UNC45A: variants seen among roughly 807,000 people sequenced by gnomAD.
The protein encoded by UNC45A is unc-45 myosin chaperone A.
UNC45A carries 78 observed loss-of-function variants against 103.2 expected under a neutral mutation model. That is an observed-to-expected ratio of 0.76 (90% CI 0.63 to 0.91). The LOEUF (loss-of-function observed/expected upper bound fraction) is 0.91. UNC45A is among the 40% of genes least tolerant of loss of function. UNC45A has a pLI of 0.00. For missense variants in UNC45A, 1,193 were observed against 1,224.8 expected (o/e 0.97, Z 0.39); for synonymous variants, 495 against 504.6 (o/e 0.98, Z 0.25).
intron 7 of UNC45A, 99 bp from the exon 8 acceptor site, chr15:90,942,812 TC>T (rs930715312): frequency 2.2e-5 from 33 of 1,502,904 alleles, no homozygotes; most frequent in African/African-American, 2.1e-4. Context: ...GGGATGCGGA[TC>T]CCCCCTTCCC....
chr15:90,940,938 A>G (rs2036262378), intron 6 of UNC45A: 1 of 152,610 alleles, frequency 6.6e-6, no homozygotes, highest in Non-Finnish European at 1.5e-5. Context: ...AAACAACAAA[A>G]AAAGAAAAGG....
At position 90,950,581 on chromosome 15, in the gene UNC45A, C is replaced by G. The variant is rs1351684576; in HGVS notation, c.2269C>G (p.Leu757Val). The change falls in exon 17 of 20, where the codon CTA becomes GTA. Residue 757 changes from leucine (L) to valine (V), a missense_variant. Leu to Val is a conservative substitution (Grantham distance 32). Coordinates refer to ENST00000418476, the MANE Select transcript of UNC45A (RefSeq NM_018671.5). ...GCAGAACTTCGAGGCGCTCATGGCC[C>G]TAACAAACCTGGCTGGGATCAGCGA... Reference protein sequence around the residue: ...GLQNFEALMALTNLAGISERL... With the variant: ...GLQNFEALMAVTNLAGISERL... 1 of 1,614,080 alleles carries G rather than the reference C, an allele frequency of 6.2e-7. No individual in the cohort carries two copies. Among genetic ancestry groups the G allele is most frequent in the African/African-American group, 1.3e-5 (1 of 74,946 alleles).
chr15:90,936,507 G>C (rs2036031285), intron 4 of UNC45A, 47 bp downstream of exon 4: 1 of 1,600,096 alleles, frequency 6.2e-7, no homozygotes, highest in Non-Finnish European at 8.5e-7. Flanking sequence ...GGTGGTGAAG[G>C]GGTCTGGGCC....
At chr15:90,951,230 C>T (rs6496740) in intron 17 of UNC45A, among the ~76,000 whole-genome samples, 85,311 of 152,014 alleles carry the variant, frequency 0.56, 26,399 homozygotes, top group East Asian at 0.99. Context: ...TGGTCTAGAT[C>T]TCCTGACCTC....
chr15:90,936,307 T>A lies in UNC45A; in HGVS notation c.273T>A (p.Asp91Glu), dbSNP rs929175081. 12 of 1,613,690 alleles carry A rather than the reference T, an allele frequency of 7.4e-6. No individual in the cohort carries two copies. Among genetic ancestry groups the A allele is most frequent in the African/African-American group, 1.3e-5 (1 of 74,886 alleles). Reference protein sequence around the residue: ...ASKAIEKDGGDVKALYRRSQA... With the variant: ...ASKAIEKDGGEVKALYRRSQA... ...CAGCCATTGAAAAGGATGGTGGGGATGTCAAAGCACTCTACCGGCGGAGCC... is the reference window on the plus strand; with the variant it reads ...CAGCCATTGAAAAGGATGGTGGGGAAGTCAAAGCACTCTACCGGCGGAGCC... The change falls in exon 4 of 20, where the codon GAT (aspartate) becomes GAA (glutamate). Residue 91 changes from aspartate to glutamate, a missense_variant. Transcript: ENST00000418476.
Position 90,948,186 on chromosome 15 carries a change from C to A in UNC45A, c.1640C>A (p.Ala547Glu), listed in dbSNP as rs1018670320. Residue 547 changes from alanine to glutamate, a missense_variant, in exon 12 of 20, where the codon GCA (alanine) becomes GAA (glutamate). Physicochemically the swap from Ala to Glu is moderately radical, Grantham distance 107. Transcript: ENST00000418476. ...ATCGACGCAGGCACTCGGCGCTGGGCAGTGGAGGGCCTGGCTTACCTGACC... is the reference window on the plus strand; with the variant it reads ...ATCGACGCAGGCACTCGGCGCTGGGAAGTGGAGGGCCTGGCTTACCTGACC... ...DQIDAGTRRWAVEGLAYLTFD... is the reference protein window; with the variant it reads ...DQIDAGTRRWEVEGLAYLTFD... 1 of 1,614,150 alleles carries A rather than the reference C, an allele frequency of 6.2e-7. No individual in the cohort carries two copies. Among genetic ancestry groups the A allele is most frequent in the African/African-American group, 1.3e-5 (1 of 75,046 alleles).
upstream of UNC45A, chr15:90,931,130 A>T: frequency 1.0e-6 from 1 of 985,158 alleles, no homozygotes; most frequent in Non-Finnish European, 1.5e-6. Context: ...AGACCTTCAG[A>T]CTGAGAAAAA....
chr15:90,953,604 T>G lies in UNC45A; in HGVS notation c.2723T>G (p.Ile908Ser). The change falls in exon 20 of 20, where the codon ATC (isoleucine) becomes AGC (serine). Residue 908 changes from isoleucine to serine, a missense_variant. Coordinates refer to ENST00000418476, the MANE Select transcript of UNC45A (RefSeq NM_018671.5). ...STLMESEMMEILSVLAKGDHS... is the reference protein window; with the variant it reads ...STLMESEMMESLSVLAKGDHS... ...CTGATGGAGAGTGAGATGATGGAGATCTTGTCAGTGCTAGCTAAGGGTGAC... is the reference window on the plus strand; with the variant it reads ...CTGATGGAGAGTGAGATGATGGAGAGCTTGTCAGTGCTAGCTAAGGGTGAC... 3.7e-6 allele frequency: 6 copies of G among 1,613,900 alleles called. No individual in the cohort carries two copies. The highest frequency in any genetic ancestry group is 1.1e-5 in the South Asian group (1 of 91,074).
chr15:90,949,908 C>T (rs1305856536), intron 15 of UNC45A, 188 bp downstream of exon 15: 7 of 691,182 alleles, frequency 1.0e-5, no homozygotes, highest in African/African-American at 1.8e-5. Flanking sequence ...ACACTGGTGC[C>T]TGTGAAGGTC....
intron 11 of UNC45A, 119 bp from the exon 12 acceptor site, chr15:90,948,023 C>A (rs899055230): frequency 3.3e-6 from 5 of 1,528,822 alleles, no homozygotes; most frequent in Middle Eastern, 1.8e-4. Flanking sequence ...GATCCTGGTA[C>A]GTGAACTGCT....
Position 90,949,097 on chromosome 15 carries a change from C to T in UNC45A, c.1879-219C>T, listed in dbSNP as rs548242426. On this transcript the variant is annotated intron_variant, in intron 13 of 19. Coordinates refer to ENST00000418476, the MANE Select transcript of UNC45A (RefSeq NM_018671.5). ...TTCACCGTGTTAGCCAGGATGATCTCGATCTCCTGACCTCGTGATCCGCCT... is the reference window on the plus strand; with the variant it reads ...TTCACCGTGTTAGCCAGGATGATCTTGATCTCCTGACCTCGTGATCCGCCT... Among the ~76,000 whole-genome samples the T allele has an allele frequency of 3.0e-4, 46 of 152,154 alleles. 1 individual carries two copies. Among genetic ancestry groups the T allele is most frequent in the East Asian group, 5.8e-4 (3 of 5,176 alleles).
upstream of UNC45A, chr15:90,934,811 A>G (rs905021870): frequency 2.0e-5 from 8 of 410,242 alleles, no homozygotes; most frequent in Non-Finnish European, 3.0e-5. Context: ...AAATGTGTGT[A>G]TGTAAGACGA....
At chr15:90,952,894 C>T (rs371448724) in intron 17 of UNC45A, 35 bp from the exon 18 acceptor site, 7 of 1,588,070 alleles carry the variant, frequency 4.4e-6, no homozygotes, top group African/African-American at 2.7e-5. Context: ...AACATCCAAA[C>T]CGTATCCCTG....
intron 10 of UNC45A, 141 bp downstream of exon 10, chr15:90,947,055 G>A (rs2070804413): frequency 1.0e-6 from 1 of 956,832 alleles, no homozygotes. Context: ...TAGGCTTGGT[G>A]GTGCATGCCT....
chr15:90,938,711 T>A (rs2036138167), intron 4 of UNC45A, among the ~76,000 whole-genome samples: 1 of 152,180 alleles, frequency 6.6e-6, no homozygotes, highest in Non-Finnish European at 1.5e-5. Flanking sequence ...AGTCTTATCC[T>A]GTCACCCAGG....
At chr15:90,937,385 C>T (rs2036071777) in intron 4 of UNC45A, among the ~76,000 whole-genome samples, 1 of 152,006 alleles carries the variant, frequency 6.6e-6, no homozygotes, top group African/African-American at 2.4e-5. Flanking sequence ...TACAATAACA[C>T]ATATAGTATA....
rs141633542 is a variant in UNC45A, at chr15:90,949,166, G to A, written c.1879-150G>A. The A allele has an allele frequency of 1.6e-3, 1,810 of 1,139,514 alleles. 19 individuals carry two copies. The African/African-American group carries it at 0.025, about 16-fold the overall frequency. 70.6% of individuals were successfully genotyped at this position (1,139,514 alleles called of 1,614,324 possible). A position where few individuals can be genotyped will look rare whatever the true frequency, so the allele number is the denominator to read the frequency against. On this transcript the variant is annotated intron_variant, in intron 13 of 19. Coordinates refer to ENST00000418476, the MANE Select transcript of UNC45A (RefSeq NM_018671.5). ...GCTGGGATTACAGGTGTGAGCCACC[G>A]TGCCCAGCCAACAGCCTCCCTTTTA... is the stretch of plus-strand genomic sequence containing the variant.
upstream of UNC45A, chr15:90,934,628 G>A (rs2035914764): frequency 5.0e-6 from 2 of 398,642 alleles, no homozygotes; most frequent in Non-Finnish European, 8.8e-6. Flanking sequence ...AAATTATGGG[G>A]TGGTAGGCTT....
chr15:90,947,704 G>C (rs1004796403), intron 10 of UNC45A, 92 bp from the exon 11 acceptor site: 20 of 841,150 alleles, frequency 2.4e-5, no homozygotes, highest in Non-Finnish European at 3.6e-5. Flanking sequence ...GGCCATGGCA[G>C]AGTGCCAGGG....
Sources: gnomAD v4.1 joint callset for allele counts (sites outside exome capture counted in the v4.1 genomes callset) on GRCh38, gnomAD v4.1.1 for gene constraint, MANE v1.5 for transcripts, NCBI Gene and HGNC (gene_info 2026-07-23, HGNC 2026-07-21) for gene names.